Variants in FASN observed in about 807,000 individuals in gnomAD.
The protein encoded by FASN is 3-hydroxyacyl-[acyl-carrier-protein] dehydratase.
Under a neutral mutation model 250.0 loss-of-function variants are expected in FASN, and 50 were observed. The observed-to-expected ratio is 0.20, with a 90% confidence interval of 0.16 to 0.25. The LOEUF is 0.25. Among genes scored for constraint, FASN ranks in the 10% least tolerant of loss-of-function variants. FASN has a pLI of 1.00. For missense variants in FASN, 3,031 were observed against 3,498.5 expected, an observed-to-expected ratio of 0.87 and a Z score of 3.37; for synonymous variants, 1,909 against 1,584.0, an observed-to-expected ratio of 1.21 and a Z score of -4.87.
At position 82,087,665 on chromosome 17, in the gene FASN, G is replaced by A. The variant is rs766169723; in HGVS notation, c.3043+20C>T. The A allele has an allele frequency of 1.2e-6, 2 of 1,609,866 alleles. No individual in the cohort carries two copies. Among genetic ancestry groups the A allele is most frequent in the Admixed American group, 3.3e-5 (2 of 59,994 alleles). On this transcript the variant is annotated intron_variant, in intron 19 of 42. Transcript: ENST00000306749. ...ACCGCCCTCCCCGGTGGCTTGGGCA[G>A]CAGTGTAGTCAGTACCCACCTTCCA...
chr17:82,087,627 C>T (rs906175668), intron 19 of FASN, 58 bp downstream of exon 19: 2 of 1,603,056 alleles, frequency 1.2e-6, no homozygotes, highest in East Asian at 4.5e-5. Flanking sequence ...CCTCTGTGGT[C>T]CCCACAATGA....
At chr17:82,086,988 G>A in intron 21 of FASN, 62 bp downstream of exon 21, 1 of 1,576,814 alleles carries the variant, frequency 6.3e-7, no homozygotes, top group Non-Finnish European at 8.7e-7. Context: ...GGGTCAACGT[G>A]AGGGGAGGCG....
In FASN at chr17:82,079,445, G is replaced by C; in HGVS notation, c.7310C>G (p.Ala2437Gly). Reference sequence around the variant, plus strand: ...TAGCATCACGTTGCCATGGTACTTGGCCTTGGGTGTGTACTGCTCAGCGGC... The same window carrying C: ...TAGCATCACGTTGCCATGGTACTTGCCCTTGGGTGTGTACTGCTCAGCGGC... ...LRAAEQYTPK[A>G]KYHGNVMLLR... is the part of the protein sequence containing the mutation. The change falls in exon 42 of 43, where the codon GCC becomes GGC. Residue 2437 changes from alanine to glycine, a missense_variant. By Grantham distance (60) the Ala-to-Gly change is moderately conservative. Coordinates refer to ENST00000306749, the MANE Select transcript of FASN (RefSeq NM_004104.5). The C allele has an allele frequency of 6.2e-7, 1 of 1,613,034 alleles. No individual in the cohort carries two copies. Among genetic ancestry groups the C allele is most frequent in the Non-Finnish European group, 8.5e-7 (1 of 1,179,994 alleles).
Position 82,083,617 on chromosome 17 carries a change from G to A in FASN, c.5241C>T (p.Ser1747=), listed in dbSNP as rs374887817. 6.2e-7 allele frequency: 1 copy of A among 1,610,710 alleles called. No individual in the cohort carries two copies. The highest frequency in any genetic ancestry group is 8.5e-7 in the Non-Finnish European group (1 of 1,179,092). The change falls in exon 31 of 43, where the codon TCC becomes TCT. Residue 1747 remains serine (S), a synonymous_variant. Transcript: ENST00000306749. ...GGKGVDLVLN[S]LAEEKLQASV... is the part of the protein sequence containing the mutation. Reference sequence around the variant, plus strand: ...TGGCCTGCAGCTTCTCTTCCGCCAAGGAGTTCAAGACCAGGTCAACGCCTA... The same window carrying A: ...TGGCCTGCAGCTTCTCTTCCGCCAAAGAGTTCAAGACCAGGTCAACGCCTA...
Position 82,084,099 on chromosome 17 carries a change from C to T in FASN, c.4974G>A (p.Ala1658=), listed in dbSNP as rs201821327. The change falls in exon 29 of 43, where the codon GCG becomes GCA. Residue 1658 remains alanine (A), a synonymous_variant. Transcript: ENST00000306749. ...GGCGCACCCGCCCACGCACCACCAG[C>T]GCGTAGTAGGCCGTGCTGTAGACGA... The part of the protein sequence containing the change: ...VPVVYSTAYY[A]LVVRGRVRPG... 1.2e-4 allele frequency: 185 copies of T among 1,568,668 alleles called. 3 individuals carry two copies. The highest frequency in any genetic ancestry group is 1.7e-4 in the Middle Eastern group (1 of 6,016).
At chr17:82,081,547 AC>A (rs1419898842) in intron 37 of FASN, 53 bp downstream of exon 37, 24 of 1,606,556 alleles carry the variant, frequency 1.5e-5, no homozygotes, top group Non-Finnish European at 2.0e-5. Flanking sequence ...ATGTCCCAAG[AC>A]CCTGATGCCA....
chr17:82,081,394 G>T, intron 37 of FASN, 42 bp from the exon 38 acceptor site: 1 of 1,560,472 alleles, frequency 6.4e-7, no homozygotes. Context: ...GAGGGGGCAT[G>T]GGGACGGCCT....
chr17:82,086,113 T>C (rs901729432), intron 22 of FASN, 141 bp downstream of exon 22: 2 of 1,442,650 alleles, frequency 1.4e-6, no homozygotes, highest in Admixed American at 2.0e-5. Flanking sequence ...ACAGGACACG[T>C]GCACAGAACC....
intron 8 of FASN, among the ~76,000 whole-genome samples, chr17:82,092,006 TG>T (rs1307120093): frequency 6.6e-6 from 1 of 152,080 alleles, no homozygotes; most frequent in Non-Finnish European, 1.5e-5. Flanking sequence ...CTGCAGAAGT[TG>T]GGGGGCAGAG....
Position 82,095,264 on chromosome 17 carries a change from T to C in FASN, c.280+56A>G, listed in dbSNP as rs989352603. On this transcript the variant is annotated intron_variant, in intron 3 of 42. Coordinates refer to ENST00000306749, the MANE Select transcript of FASN (RefSeq NM_004104.5). ...AGAACCAAGAAGAGAAAACACTGCC[T>C]ATTCCACGTGAGCAGCAGGAGCCCT... 34 of 1,583,178 alleles carry C rather than the reference T, an allele frequency of 2.1e-5. 1 individual carries two copies. The South Asian group carries it at 3.8e-4, about 17-fold the overall frequency.
intron 3 of FASN, among the ~76,000 whole-genome samples, chr17:82,094,346 C>T (rs2034268152): frequency 6.6e-6 from 1 of 151,772 alleles, no homozygotes; most frequent in Non-Finnish European, 1.5e-5. Context: ...GCTTCCACCT[C>T]TCGGCCAGCA....
Position 82,089,337 on chromosome 17 carries a change from A to G in FASN, c.2013T>C (p.Phe671=), listed in dbSNP as rs2144798892. Residue 671 remains phenylalanine, a synonymous_variant, in exon 13 of 43, where the codon TTT becomes TTC. Coordinates refer to ENST00000306749, the MANE Select transcript of FASN (RefSeq NM_004104.5). ...TACCGCCGGTCCGCACCTCCTTGGCAAACACACCCTCCTTCCTCAGCTGCT... is the reference window on the plus strand; with the variant it reads ...TACCGCCGGTCCGCACCTCCTTGGCGAACACACCCTCCTTCCTCAGCTGCT... ...FVEQLRKEGV[F]AKEVRTGGMA... 1.9e-6 allele frequency: 3 copies of G among 1,612,834 alleles called. No homozygotes were observed. The highest frequency in any genetic ancestry group is 2.2e-5 in the East Asian group (1 of 44,874).
intron 8 of FASN, 115 bp downstream of exon 8, chr17:82,092,340 G>T: frequency 1.8e-6 from 2 of 1,131,520 alleles, no homozygotes; most frequent in Non-Finnish European, 1.3e-6. Flanking sequence ...AGAGGCTCCT[G>T]GTGGGGAAGC....
chr17:82,091,449 C>T lies in FASN; in HGVS notation c.1265G>A (p.Arg422His), dbSNP rs759242677. Residue 422 changes from arginine to histidine, a missense_variant, in exon 9 of 43, where the codon CGT (arginine) becomes CAT (histidine). Transcript: ENST00000306749. The part of the protein sequence containing the change: ...PAPAPHATLP[R>H]LLRASGRTPE... ...GGTGCGTCCGCTGGCCCGCAGCAGA[C>T]GGGGCAGGGTGGCATGTGGGGCGGG... 65 of 1,600,180 alleles carry T rather than the reference C, an allele frequency of 4.1e-5. No individual in the cohort carries two copies. Among genetic ancestry groups the T allele is most frequent in the South Asian group, 1.3e-4 (12 of 90,252 alleles).
Position 82,080,807 on chromosome 17 carries a change from C to T in FASN, c.6711G>A (p.Val2237=), listed in dbSNP as rs1012512748. Residue 2237 remains valine (V), a synonymous_variant, in exon 39 of 43, where the codon GTG becomes GTA. Transcript: ENST00000306749. ...GGAACAGGGGCCGCTCCGAGCTCTG[C>T]ACGGAGTTGAGCCGCATCAGGGTGG... ...EGPTLMRLNS[V]QSSERPLFLV... is the part of the protein sequence containing the mutation. 1.2e-6 allele frequency: 2 copies of T among 1,608,628 alleles called. No homozygotes were observed. Among genetic ancestry groups the T allele is most frequent in the Admixed American group, 3.4e-5 (2 of 59,272 alleles).
Position 82,082,682 on chromosome 17 carries a change from C to T in FASN, c.5768-4G>A, listed in dbSNP as rs369059351. On this transcript the variant is annotated splice_polypyrimidine_tract_variant and splice_region_variant and intron_variant, in intron 33 of 42. Transcript: ENST00000306749. ...CGGACCTGCTTGGCCTGGTAGCCTG[C>T]GGGACACAGGACTGTGGGCTGGACT... The T allele has an allele frequency of 2.1e-4, 336 of 1,607,732 alleles. 5 individuals are homozygous for T. In the South Asian group the frequency reaches 2.8e-3, roughly 14 times the overall value.
chr17:82,093,496 T>G, intron 4 of FASN, 77 bp from the exon 5 acceptor site: 1 of 1,587,244 alleles, frequency 6.3e-7, no homozygotes, highest in East Asian at 2.3e-5. Flanking sequence ...GCCACCAGGC[T>G]GGACACACAC....
At chr17:82,093,188 G>T in intron 5 of FASN, 31 bp downstream of exon 5, 1 of 1,551,874 alleles carries the variant, frequency 6.4e-7, no homozygotes, top group Non-Finnish European at 8.7e-7. Flanking sequence ...CCACTGTCCC[G>T]CCTGCCCTGG....
In FASN at chr17:82,089,335, G is replaced by A. The variant is rs375148600; in HGVS notation, c.2015C>T (p.Ala672Val). The A allele has an allele frequency of 1.9e-6, 3 of 1,612,852 alleles. No homozygotes were observed. The highest frequency in any genetic ancestry group is 2.5e-6 in the Non-Finnish European group (3 of 1,179,998). The part of the protein sequence containing the change: ...VEQLRKEGVF[A>V]KEVRTGGMAF... ...CATACCGCCGGTCCGCACCTCCTTG[G>A]CAAACACACCCTCCTTCCTCAGCTG... is the stretch of plus-strand genomic sequence containing the variant. The change falls in exon 13 of 43, where the codon GCC becomes GTC. Residue 672 changes from alanine to valine, a missense_variant. By Grantham distance (64) the Ala-to-Val change is moderately conservative. Coordinates refer to ENST00000306749, the MANE Select transcript of FASN (RefSeq NM_004104.5).
Sources: gnomAD v4.1 joint callset for allele counts (sites outside exome capture counted in the v4.1 genomes callset) on GRCh38, gnomAD v4.1.1 for gene constraint, MANE v1.5 for transcripts, NCBI Gene and HGNC (gene_info 2026-07-23, HGNC 2026-07-21) for gene names.